The following PRKN variants were observed in gnomAD, a reference collection of about 807,000 sequenced individuals.
PRKN encodes the protein E3 ubiquitin-protein ligase parkin.
PRKN carries 56 observed loss-of-function variants against 59.5 expected under a neutral mutation model. The ratio of observed to expected loss-of-function variants is 0.94; its 90% confidence interval spans 0.76 to 1.18. PRKN has a LOEUF of 1.18. PRKN is among the 50% of genes most tolerant of loss of function. The pLI is 0.00. For missense variants in PRKN, 657 were observed against 596.4 expected (o/e 1.10, Z -1.06); for synonymous variants, 250 against 222.1 (o/e 1.13, Z -1.12).
At chr6:161,364,930 C>CAAAAA (rs67693234) in intron 10 of PRKN, among the ~76,000 whole-genome samples, 4 of 121,056 alleles carry the variant, frequency 3.3e-5, no homozygotes, top group African/African-American at 1.2e-4. Flanking sequence ...GACTTTGTCT[C>CAAAAA]AAAAAAAAAA....
At chr6:162,727,590 G>C in intron 1 of PRKN, 72 bp downstream of exon 1, 1 of 1,494,202 alleles carries the variant, frequency 6.7e-7, no homozygotes, top group Non-Finnish European at 9.1e-7. Context: ...CTGGTCGGCC[G>C]AGGCGGGGCG....
Position 161,497,659 on chromosome 6 carries a change from C to T in PRKN, c.1083+51195G>A, listed in dbSNP as rs945442417. Among the ~76,000 whole-genome samples, 10 of 152,106 alleles carry T rather than the reference C, an allele frequency of 6.6e-5. No homozygotes were observed. The highest frequency in any genetic ancestry group is 6.5e-4 in the Admixed American group (10 of 15,274). ...AAAGTATTTTCAGCTGCTCTTCTCG[C>T]TCCTTTCCCTTTCAATTCAGAAGGC... On this transcript the variant is annotated intron_variant, in intron 9 of 11. Transcript: ENST00000366898. This position sits in a 1 kb window ranked among gnomAD's most constrained non-coding sequence, Gnocchi z 4.6.
chr6:161,610,408 G>T (rs547636477), intron 7 of PRKN, among the ~76,000 whole-genome samples: 145 of 151,474 alleles, frequency 9.6e-4, no homozygotes, highest in Non-Finnish European at 1.7e-3. Flanking sequence ...TATTTCGTTG[G>T]TTGATTGACC....
At chr6:162,214,158 G>A (rs1390661564) in intron 3 of PRKN, among the ~76,000 whole-genome samples, 1 of 152,112 alleles carries the variant, frequency 6.6e-6, no homozygotes, top group Non-Finnish European at 1.5e-5. Flanking sequence ...CCTTCAAAGG[G>A]GAACAGATCA....
chr6:162,400,988 C>T (rs1454199729), intron 2 of PRKN, among the ~76,000 whole-genome samples: 1 of 152,010 alleles, frequency 6.6e-6, no homozygotes, highest in African/African-American at 2.4e-5. Context: ...ATGAGAATCA[C>T]AGAATATAGT....
chr6:162,714,949 T>C (rs1400991477), intron 1 of PRKN, among the ~76,000 whole-genome samples: 3 of 152,104 alleles, frequency 2.0e-5, no homozygotes, highest in South Asian at 2.1e-4. Flanking sequence ...GAAACAACAG[T>C]AAAGGACAAG....
intron 1 of PRKN, among the ~76,000 whole-genome samples, chr6:162,447,574 G>A (rs1462342921): frequency 6.6e-6 from 1 of 152,106 alleles, no homozygotes; most frequent in Non-Finnish European, 1.5e-5. Context: ...CCTAACCAGG[G>A]TTGAGAAGTC....
At chr6:161,421,205 T>C (rs935050118) in intron 9 of PRKN, among the ~76,000 whole-genome samples, 7 of 152,152 alleles carry the variant, frequency 4.6e-5, no homozygotes, top group Non-Finnish European at 8.8e-5. Context: ...GCATTCCTCA[T>C]CTTGATTTTG....
chr6:162,718,267 T>C (rs903318080), intron 1 of PRKN, among the ~76,000 whole-genome samples: 5 of 152,194 alleles, frequency 3.3e-5, no homozygotes, highest in Non-Finnish European at 5.9e-5. Context: ...TGACTGACTT[T>C]ACCTGTATAA....
intron 6 of PRKN, among the ~76,000 whole-genome samples, chr6:161,787,954 A>C (rs1345705350): frequency 6.6e-6 from 1 of 152,186 alleles, no homozygotes; most frequent in Non-Finnish European, 1.5e-5. Flanking sequence ...ACAAACAAAC[A>C]AAAAAGCTTA....
intron 9 of PRKN, among the ~76,000 whole-genome samples, chr6:161,394,526 T>A (rs987036771): frequency 2.6e-5 from 4 of 152,224 alleles, no homozygotes; most frequent in Non-Finnish European, 4.4e-5. Flanking sequence ...TTAATTTCCA[T>A]TCTTGCAAGC....
chr6:161,767,650 G>A (rs1223651208), intron 7 of PRKN, among the ~76,000 whole-genome samples: 3 of 152,176 alleles, frequency 2.0e-5, no homozygotes, highest in African/African-American at 7.2e-5. Flanking sequence ...ATTATAACAC[G>A]GTGGAGAAGT....
In PRKN at chr6:162,158,753, T is replaced by C. The variant is rs1436779169; in HGVS notation, c.534+42378A>G. ...GCTGCTTGTTCCTCTTCTGCCTTCT[T>C]CCTATTCCTTTCTTTCCTCCTCCCG... On this transcript the variant is annotated intron_variant, in intron 4 of 11. Transcript: ENST00000366898. Among the ~76,000 whole-genome samples, 2 of 151,952 alleles carry C rather than the reference T, an allele frequency of 1.3e-5. 1 individual carries two copies. Among genetic ancestry groups the C allele is most frequent in the Non-Finnish European group, 2.9e-5 (2 of 68,018 alleles).
chr6:161,428,921 C>T lies in PRKN; in HGVS notation c.1084-42044G>A, dbSNP rs546212269. Among the ~76,000 whole-genome samples the T allele has an allele frequency of 6.6e-6, 1 of 152,180 alleles. No homozygotes were observed. Among genetic ancestry groups the T allele is most frequent in the Non-Finnish European group, 1.5e-5 (1 of 68,040 alleles). On this transcript the variant is annotated intron_variant, in intron 9 of 11. Transcript: ENST00000366898. The surrounding 1 kb of genome is among the most constrained non-coding windows in gnomAD (Gnocchi z 4.0). ...GGCTAGGGGTCCCTGGTTTCTCCCA[C>T]CTTCTTCCTGATGGCCAGGCATACA...
At chr6:162,009,935 CA>C (rs999672466) in intron 5 of PRKN, among the ~76,000 whole-genome samples, 4 of 148,572 alleles carry the variant, frequency 2.7e-5, no homozygotes, top group Non-Finnish European at 3.0e-5. Flanking sequence ...GACTCTGCGT[CA>C]AAAAAAAATA....
chr6:162,044,294 G>A (rs1325828957), intron 5 of PRKN, among the ~76,000 whole-genome samples: 2 of 152,096 alleles, frequency 1.3e-5, no homozygotes, highest in African/African-American at 2.4e-5. Context: ...CTACAGGAAC[G>A]AACAAACGAA....
intron 1 of PRKN, among the ~76,000 whole-genome samples, chr6:162,601,342 C>T (rs767689267): frequency 1.7e-5 from 2 of 114,656 alleles, no homozygotes; most frequent in Non-Finnish European, 4.1e-5. Flanking sequence ...ATTCAAACCA[C>T]GGTAAATGGG....
At chr6:161,512,297 C>T (rs1435144497) in intron 9 of PRKN, among the ~76,000 whole-genome samples, 3 of 146,858 alleles carry the variant, frequency 2.0e-5, no homozygotes, top group Non-Finnish European at 4.6e-5. Flanking sequence ...AAATGACCCC[C>T]CCCTGAAAAT....
rs112869581 is a variant in PRKN, at chr6:162,694,004, T to C, written c.7+33658A>G. 5.2e-3 allele frequency among the ~76,000 whole-genome samples: 790 copies of C among 151,980 alleles called. 7 individuals are homozygous for C. Among genetic ancestry groups the C allele is most frequent in the African/African-American group, 0.017 (720 of 41,462 alleles). On this transcript the variant is annotated intron_variant, in intron 1 of 11. Coordinates refer to ENST00000366898, the MANE Select transcript of PRKN (RefSeq NM_004562.3). Reference sequence around the variant, plus strand: ...GGCTCATGCCTGTAATCCCAACACTTTGGGAGGCCGAGGCGGGCAGATCAT... The same window carrying C: ...GGCTCATGCCTGTAATCCCAACACTCTGGGAGGCCGAGGCGGGCAGATCAT...
Sources: allele counts gnomAD v4.1 joint callset (sites outside exome capture counted in the v4.1 genomes callset), GRCh38; gene constraint gnomAD v4.1.1; non-coding constraint Gnocchi (gnomAD v3.1); transcripts MANE v1.5; gene names NCBI Gene and HGNC (gene_info 2026-07-23, HGNC 2026-07-21).